NWD1: variants seen among roughly 807,000 people sequenced by gnomAD.
The protein encoded by NWD1 is NACHT domain- and WD repeat-containing protein 1.
Under a neutral mutation model 135.1 loss-of-function variants are expected in NWD1, and 129 were observed. The ratio of observed to expected loss-of-function variants is 0.96; its 90% CI spans 0.83 to 1.11. The LOEUF (loss-of-function observed/expected upper bound fraction) is 1.11, where lower values mean the gene tolerates loss of function less well. Ranked by LOEUF, NWD1 falls within the 50% of genes least tolerant of loss-of-function variation. NWD1 has a pLI of 0.00. For missense variants in NWD1, 1,740 were observed against 1,851.3 expected, an observed-to-expected ratio of 0.94 and a Z score of 1.10; for synonymous variants, 773 against 786.0, an observed-to-expected ratio of 0.98 and a Z score of 0.28.
At chr19:16,810,886 G>A (rs1299713499) in intron 18 of NWD1, among the ~76,000 whole-genome samples, 3 of 152,136 alleles carry the variant, frequency 2.0e-5, no homozygotes, top group Admixed American at 6.6e-5. Flanking sequence ...TTATTTTTGA[G>A]GCAGGGTCTT....
chr19:16,795,445 C>A (rs183940860), intron 15 of NWD1, among the ~76,000 whole-genome samples: 3 of 143,660 alleles, frequency 2.1e-5, no homozygotes, highest in Non-Finnish European at 3.0e-5. Flanking sequence ...GAGACCGAGT[C>A]TCGCTCTATT....
intron 1 of NWD1, among the ~76,000 whole-genome samples, chr19:16,723,172 C>A (rs549030906): frequency 6.6e-6 from 1 of 151,892 alleles, no homozygotes; most frequent in Non-Finnish European, 1.5e-5. Flanking sequence ...TAGCTAGGAC[C>A]GCAGACACGA....
intron 12 of NWD1, among the ~76,000 whole-genome samples, chr19:16,787,895 AATAATAATAATCATCATC>A (rs1248964481): frequency 1.3e-3 from 109 of 83,222 alleles, no homozygotes; most frequent in African/African-American, 5.2e-3. Context: ...TAATAATAAT[AATAATAATAATCATCATC>A]ATCATCATCA....
In NWD1 at chr19:16,734,491, C is replaced by T. The variant is rs368830699; in HGVS notation, c.82-2143C>T. Among the ~76,000 whole-genome samples the T allele has an allele frequency of 3.5e-3, 527 of 150,034 alleles. 4 individuals carry two copies. The highest frequency in any genetic ancestry group is 0.032 in the South Asian group (152 of 4,746). Reference sequence around the variant, plus strand: ...CGGAGCTTGCAGTGAGCCAAGATTGCGCCACTGCACTCCAGCCTGGGTGAT... The same window carrying T: ...CGGAGCTTGCAGTGAGCCAAGATTGTGCCACTGCACTCCAGCCTGGGTGAT... On this transcript the variant is annotated intron_variant, in intron 3 of 18. Transcript: ENST00000524140.
Position 16,817,740 on chromosome 19 carries a change from T to C in NWD1, c.*2701T>C, listed in dbSNP as rs759082077. ...AATTGTGAAGGGAGCCCTGAAAAAA[T>C]TAGCTACTCTTTGCCACTGCTTCTC... On this transcript the variant is annotated 3_prime_UTR_variant, in exon 19 of 19. Transcript: ENST00000524140. 6.6e-6 allele frequency: 1 copy of C among 152,006 alleles called. No homozygotes were observed. Among genetic ancestry groups the C allele is most frequent in the African/African-American group, 2.4e-5 (1 of 41,382 alleles). The allele number at this position is 152,006 out of a possible 1,614,324, so 9.4% of individuals were successfully genotyped here. A position where few individuals can be genotyped will look rare whatever the true frequency, so the allele number is the denominator to read the frequency against.
chr19:16,807,539 G>C (rs1970786049), intron 17 of NWD1, 47 bp from the exon 18 acceptor site: 1 of 1,439,690 alleles, frequency 6.9e-7, no homozygotes, highest in Non-Finnish European at 9.4e-7. Flanking sequence ...CAGGGCTGCT[G>C]TGATTCACTC....
intron 10 of NWD1, among the ~76,000 whole-genome samples, chr19:16,766,232 C>T (rs952310333): frequency 6.6e-6 from 1 of 151,952 alleles, no homozygotes; most frequent in African/African-American, 2.4e-5. Flanking sequence ...ATTGCAAACA[C>T]ATGGCTGTAA....
chr19:16,797,007 G>A (rs943952894), intron 15 of NWD1, among the ~76,000 whole-genome samples: 1 of 151,796 alleles, frequency 6.6e-6, no homozygotes, highest in African/African-American at 2.4e-5. Flanking sequence ...GGTGAAACCT[G>A]GTATCTACTA....
rs146121969 is a variant in NWD1, at chr19:16,773,311, G to A, written c.2596G>A (p.Gly866Ser). The A allele has an allele frequency of 6.2e-3, 9,999 of 1,612,304 alleles. 51 individuals carry two copies. The highest frequency in any genetic ancestry group is 7.1e-3 in the Non-Finnish European group (8,420 of 1,179,764). Reference protein sequence around the residue: ...PGGPLRATLSGCHKGITAMAW... With the variant: ...PGGPLRATLSSCHKGITAMAW... ...AGGACCCCTCCGGGCAACTCTCAGC[G>A]GCTGTCACAAAGGTGAGTCTCCCCA... The change falls in exon 11 of 19, where the codon GGC (glycine) becomes AGC (serine). Residue 866 changes from glycine to serine, a missense_variant. Gly to Ser is a moderately conservative substitution (Grantham distance 56). Transcript: ENST00000524140.
chr19:16,725,148 G>A (rs1033732357), intron 2 of NWD1, among the ~76,000 whole-genome samples: 4 of 151,550 alleles, frequency 2.6e-5, no homozygotes, highest in African/African-American at 4.9e-5. Context: ...CGAATAGCTG[G>A]GACTACAGGC....
intron 3 of NWD1, among the ~76,000 whole-genome samples, chr19:16,733,731 C>T (rs1967674793): frequency 6.6e-6 from 1 of 152,136 alleles, no homozygotes; most frequent in Non-Finnish European, 1.5e-5. Flanking sequence ...TCAAGCTTTT[C>T]TGTTTAATGC....
chr19:16,775,309 A>AAG (rs1969561487), intron 11 of NWD1, among the ~76,000 whole-genome samples: 1 of 151,916 alleles, frequency 6.6e-6, no homozygotes, highest in African/African-American at 2.4e-5. Flanking sequence ...GTAAAAAAAA[A>AAG]TGGCCAAAAT....
chr19:16,764,066 G>C (rs1167922063), intron 9 of NWD1, 121 bp downstream of exon 9: 4 of 644,982 alleles, frequency 6.2e-6, no homozygotes, highest in East Asian at 5.6e-5. Context: ...TAAGGCAGAG[G>C]TTCTCACAAG....
In NWD1 at chr19:16,730,799, T is replaced by C. The variant is rs141659198; in HGVS notation, c.-6-393T>C. ...ATCCCAACACTTTGGGAGGCTGAGG[T>C]GGGAAGATGGCTTGAGTCCAGGAGT... is the stretch of plus-strand genomic sequence containing the variant. On this transcript the variant is annotated intron_variant, in intron 2 of 18. Coordinates refer to ENST00000524140, the MANE Select transcript of NWD1 (RefSeq NM_001007525.5). Among the ~76,000 whole-genome samples the C allele has an allele frequency of 2.6e-3, 395 of 151,076 alleles. 2 individuals are homozygous for C. The highest frequency in any genetic ancestry group is 8.1e-3 in the African/African-American group (335 of 41,134).
chr19:16,784,867 T>C (rs1969985191), intron 12 of NWD1, among the ~76,000 whole-genome samples: 1 of 138,292 alleles, frequency 7.2e-6, no homozygotes, highest in African/African-American at 3.5e-5. Flanking sequence ...GGGCGGAGGT[T>C]GCAGTGAGCC....
intron 6 of NWD1, among the ~76,000 whole-genome samples, chr19:16,758,769 G>T (rs1278498975): frequency 3.3e-5 from 5 of 152,002 alleles, no homozygotes. Context: ...TGGCACTTTG[G>T]GAGACCGAGG....
rs11436280 is a variant in NWD1 at position 16,733,520 on chromosome 19, CAA to C, written c.81+2257_81+2258del. ...TAGGCAACAGAATGAGATTCTGTCT[CAA>C]AAAAAAAAAAAAAATCAAGTGGCTC... On this transcript the variant is annotated intron_variant, in intron 3 of 18. Transcript: ENST00000524140. Among the ~76,000 whole-genome samples, 767 of 133,322 alleles carry C rather than the reference CAA, an allele frequency of 5.8e-3. 1 individual carries two copies. The highest frequency in any genetic ancestry group is 7.4e-3 in the Middle Eastern group (2 of 272). The allele number at this position is 133,322 out of a possible 152,430, so 87.5% of individuals were successfully genotyped here.
intron 12 of NWD1, among the ~76,000 whole-genome samples, chr19:16,785,645 C>T (rs921601462): frequency 5.2e-4 from 78 of 150,074 alleles, no homozygotes; most frequent in African/African-American, 1.9e-3. Flanking sequence ...CTTATATATA[C>T]ATATTTTAAT....
intron 15 of NWD1, 61 bp downstream of exon 15, chr19:16,794,614 G>T (rs1294903080): frequency 1.7e-6 from 2 of 1,188,766 alleles, no homozygotes; most frequent in East Asian, 5.0e-5. Flanking sequence ...TTGGAGAAGG[G>T]GGTGGGGCTT....
Sources: gnomAD v4.1 joint callset for allele counts (sites outside exome capture counted in the v4.1 genomes callset) on GRCh38, gnomAD v4.1.1 for gene constraint, MANE v1.5 for transcripts, NCBI Gene and HGNC (gene_info 2026-07-23, HGNC 2026-07-21) for gene names.